DIPK1B: variants seen among roughly 807,000 people sequenced by gnomAD.
The protein encoded by DIPK1B is divergent protein kinase domain 1B, also known as family with sequence similarity 69 member B.
A neutral mutation model predicts 20.7 loss-of-function variants in DIPK1B; 17 were observed. That is an observed-to-expected ratio of 0.82 (90% CI 0.56 to 1.23). The LOEUF (loss-of-function observed/expected upper bound fraction) is 1.23, where lower values mean the gene tolerates loss of function less well. Ranked by LOEUF, DIPK1B falls within the 50% of genes most tolerant of loss-of-function variation. The pLI, the probability that DIPK1B is intolerant of heterozygous loss-of-function variation, is 0.00. For synonymous variants in DIPK1B, 343 were observed against 276.5 expected, an observed-to-expected ratio of 1.24 and a Z score of -2.39; for missense variants, 648 against 601.8, an observed-to-expected ratio of 1.08 and a Z score of -0.80.
At position 136,724,134 on chromosome 9, in the gene DIPK1B, T is replaced by C. The variant is rs2131050708; in HGVS notation, c.*360T>C. ...CCAGCCCAGGCACTCAGGCTGGGGT[T>C]GAGCCCCTGAATCCTTCCTGGCGAG... On this transcript the variant is annotated 3_prime_UTR_variant, in exon 5 of 5. Transcript: ENST00000371692. The C allele has an allele frequency of 3.7e-6, 1 of 272,460 alleles. No homozygotes were observed. The highest frequency in any genetic ancestry group is 1.2e-4 in the East Asian group (1 of 8,502). The allele number at this position is 272,460 out of a possible 1,614,324, so 16.9% of individuals were successfully genotyped here. A position where few individuals can be genotyped will look rare whatever the true frequency, so the allele number is the denominator to read the frequency against.
chr9:136,723,733 ACTCTG>A lies in DIPK1B; in HGVS notation c.1261_1265del (p.Leu421GlufsTer14). Reference sequence around the variant, plus strand: ...CTCGCTGGTGCTCAGCCACCTCAAGACTCTGCTCTGGAAGAAGATCTCCAACACCA... The same window carrying A: ...CTCGCTGGTGCTCAGCCACCTCAAGACTCTGGAAGAAGATCTCCAACACCA... On this transcript the variant is annotated frameshift_variant, in exon 5 of 5. Coordinates refer to ENST00000371692, the MANE Select transcript of DIPK1B (RefSeq NM_152421.4). LOFTEE classifies it high-confidence loss of function. The A allele has an allele frequency of 6.5e-7, 1 of 1,535,438 alleles. No individual in the cohort carries two copies. The highest frequency in any genetic ancestry group is 8.7e-7 in the Non-Finnish European group (1 of 1,146,880).
At chr9:136,716,082 C>T (rs998783903) in intron 1 of DIPK1B, among the ~76,000 whole-genome samples, 1 of 151,966 alleles carries the variant, frequency 6.6e-6, no homozygotes, top group East Asian at 1.9e-4. Context: ...GGGCTCGTTT[C>T]ACTGAGCCTC....
chr9:136,721,667 G>A (rs990649047), intron 2 of DIPK1B: 7 of 502,754 alleles, frequency 1.4e-5, no homozygotes, highest in East Asian at 7.0e-5. Flanking sequence ...TTGCTGTGCC[G>A]TCCTGTTACA....
intron 4 of DIPK1B, 68 bp from the exon 5 acceptor site, chr9:136,722,893 TA>T: frequency 6.8e-7 from 1 of 1,460,526 alleles, no homozygotes; most frequent in Non-Finnish European, 9.1e-7. Flanking sequence ...GAGGACCAGG[TA>T]AAGGCCAGGT....
At position 136,724,386 on chromosome 9, in the gene DIPK1B, C is replaced by A. The variant is rs945383; in HGVS notation, c.*612C>A. Among the ~76,000 whole-genome samples the A allele has an allele frequency of 0.25, 37,866 of 152,138 alleles. 4,815 individuals carry two copies. Among genetic ancestry groups the A allele is most frequent in the Admixed American group, 0.29 (4,398 of 15,280 alleles). On this transcript the variant is annotated 3_prime_UTR_variant, in exon 5 of 5. Coordinates refer to ENST00000371692, the MANE Select transcript of DIPK1B (RefSeq NM_152421.4). ...ATTTTAAAAACTGATTTTACAAAAT[C>A]CAGCCATGAGATGTACAACTCATTC...
intron 2 of DIPK1B, among the ~76,000 whole-genome samples, chr9:136,719,772 A>G (rs999730364): frequency 8.5e-5 from 13 of 152,200 alleles, no homozygotes; most frequent in Non-Finnish European, 1.9e-4. Flanking sequence ...AGCCTGGCAG[A>G]CAGCAGTGTG....
chr9:136,717,296 C>T (rs2131041488), intron 1 of DIPK1B, among the ~76,000 whole-genome samples: 1 of 152,174 alleles, frequency 6.6e-6, no homozygotes, highest in East Asian at 1.9e-4. Flanking sequence ...CTGGTTTTGA[C>T]ATTTATTTGT....
rs770936521 is a variant in DIPK1B, at chr9:136,724,263, G to A, written c.*489G>A. 2.4e-4 allele frequency among the ~76,000 whole-genome samples: 36 copies of A among 152,280 alleles called. No homozygotes were observed. The highest frequency in any genetic ancestry group is 4.1e-4 in the African/African-American group (17 of 41,538). ...GCCAGGGCAGTTCCCCAAACACAGCGGCTTCTGAAACAGTCAATGACCAGT... is the reference window on the plus strand; with the variant it reads ...GCCAGGGCAGTTCCCCAAACACAGCAGCTTCTGAAACAGTCAATGACCAGT... On this transcript the variant is annotated 3_prime_UTR_variant, in exon 5 of 5. Coordinates refer to ENST00000371692, the MANE Select transcript of DIPK1B (RefSeq NM_152421.4).
chr9:136,717,644 G>A lies in DIPK1B; in HGVS notation c.131G>A (p.Trp44Ter), dbSNP rs1165395901. The change falls in exon 2 of 5, where the codon TGG (tryptophan) becomes TAG (stop). Residue 44 changes from tryptophan (W) to a stop codon, truncating the protein, a stop_gained. Coordinates refer to ENST00000371692, the MANE Select transcript of DIPK1B (RefSeq NM_152421.4). LOFTEE classifies it high-confidence loss of function. ...LAWLGVFAGS[W>*]LVYVHYSSYS... Reference sequence around the variant, plus strand: ...TGGCTGGGCGTCTTTGCAGGCAGCTGGCTGGTGTACGTGCACTACTCGTCC... The same window carrying A: ...TGGCTGGGCGTCTTTGCAGGCAGCTAGCTGGTGTACGTGCACTACTCGTCC... The A allele has an allele frequency of 6.2e-7, 1 of 1,607,782 alleles. No homozygotes were observed. The highest frequency in any genetic ancestry group is 8.5e-7 in the Non-Finnish European group (1 of 1,179,954).
At chr9:136,716,228 C>G (rs1041223869) in intron 1 of DIPK1B, among the ~76,000 whole-genome samples, 4 of 151,578 alleles carry the variant, frequency 2.6e-5, no homozygotes, top group Non-Finnish European at 4.4e-5. Context: ...CTGCCCACCC[C>G]TGGGCTGTTG....
At chr9:136,721,864 C>T (rs1846606622) in intron 2 of DIPK1B, 57 bp from the exon 3 acceptor site, 3 of 1,524,014 alleles carry the variant, frequency 2.0e-6, no homozygotes, top group Admixed American at 3.5e-5. Context: ...TGGGCAGGGG[C>T]TCAGTGGGGC....
Position 136,712,998 on chromosome 9 carries a change from C to G in DIPK1B, c.63+270C>G, listed in dbSNP as rs1013331953. 2.6e-5 allele frequency among the ~76,000 whole-genome samples: 4 copies of G among 152,204 alleles called. No individual in the cohort carries two copies. Among genetic ancestry groups the G allele is most frequent in the South Asian group, 2.1e-4 (1 of 4,838 alleles). On this transcript the variant is annotated intron_variant, in intron 1 of 4. Coordinates refer to ENST00000371692, the MANE Select transcript of DIPK1B (RefSeq NM_152421.4). This position sits in a 1 kb window ranked among gnomAD's most constrained non-coding sequence, Gnocchi z 5.6. ...CTGCAGGCGGTCCCTGCCCCCCAGG[C>G]CCAGAAACCACACCGAAGTCCTTTC...
At chr9:136,714,668 G>A (rs371098608) in intron 1 of DIPK1B, among the ~76,000 whole-genome samples, 6 of 152,224 alleles carry the variant, frequency 3.9e-5, no homozygotes, top group East Asian at 3.8e-4. Flanking sequence ...CAAGTCTGCC[G>A]GAAACAGATT....
chr9:136,716,130 TCTC>T (rs944614774), intron 1 of DIPK1B, among the ~76,000 whole-genome samples: 1 of 152,022 alleles, frequency 6.6e-6, no homozygotes, highest in African/African-American at 2.4e-5. Context: ...GGACATCAGA[TCTC>T]CTTCCTTCTC....
At chr9:136,715,130 C>T (rs1250789864) in intron 1 of DIPK1B, among the ~76,000 whole-genome samples, 7 of 152,216 alleles carry the variant, frequency 4.6e-5, no homozygotes, top group Non-Finnish European at 1.0e-4. Context: ...GACAGGAGGC[C>T]ACAGGGAGTG....
chr9:136,723,760 A>C lies in DIPK1B; in HGVS notation c.1282A>C (p.Thr428Pro). Reference sequence around the variant, plus strand: ...TCTGCTCTGGAAGAAGATCTCCAACACCAAGTACTCTTGATGGGGCAGTGA... The same window carrying C: ...TCTGCTCTGGAAGAAGATCTCCAACCCCAAGTACTCTTGATGGGGCAGTGA... ...KTLLWKKISN[T>P]KYS Residue 428 changes from threonine to proline, a missense_variant, in exon 5 of 5, where the codon ACC becomes CCC. Physicochemically the swap from Thr to Pro is conservative, Grantham distance 38. Coordinates refer to ENST00000371692, the MANE Select transcript of DIPK1B (RefSeq NM_152421.4). 2.0e-6 allele frequency: 3 copies of C among 1,534,374 alleles called. No homozygotes were observed. The highest frequency in any genetic ancestry group is 2.6e-6 in the Non-Finnish European group (3 of 1,146,788).
Position 136,723,714 on chromosome 9 carries a change from G to A in DIPK1B, c.1236G>A (p.Leu412=), listed in dbSNP as rs368162292. The change falls in exon 5 of 5, where the codon CTG becomes CTA. Residue 412 remains leucine, a synonymous_variant. Transcript: ENST00000371692. ...GCCAGGTGGAGGCCCATCACTCGCTGGTGCTCAGCCACCTCAAGACTCTGC... is the reference window on the plus strand; with the variant it reads ...GCCAGGTGGAGGCCCATCACTCGCTAGTGCTCAGCCACCTCAAGACTCTGC... ...LASQVEAHHS[L]VLSHLKTLLW... The A allele has an allele frequency of 1.6e-5, 24 of 1,537,000 alleles. No homozygotes were observed. Among genetic ancestry groups the A allele is most frequent in the Non-Finnish European group, 1.9e-5 (22 of 1,147,016 alleles).
intron 1 of DIPK1B, among the ~76,000 whole-genome samples, chr9:136,716,696 G>A (rs554319705): frequency 4.6e-5 from 7 of 152,098 alleles, no homozygotes; most frequent in Non-Finnish European, 8.8e-5. Flanking sequence ...CACCATGCCC[G>A]GCCCGCCTGC....
chr9:136,722,589 C>A, intron 4 of DIPK1B: 3 of 564,002 alleles, frequency 5.3e-6, no homozygotes, highest in Non-Finnish European at 9.5e-6. Flanking sequence ...CGAATGGAGA[C>A]CAGGGCTTGT....
Sources: gnomAD v4.1 joint callset for allele counts (sites outside exome capture counted in the v4.1 genomes callset) on GRCh38, gnomAD v4.1.1 for gene constraint, Gnocchi (gnomAD v3.1) non-coding constraint, MANE v1.5 for transcripts, NCBI Gene and HGNC (gene_info 2026-07-23, HGNC 2026-07-21) for gene names.